Variants in SNX29 observed in about 807,000 individuals in gnomAD.
SNX29 encodes the protein sorting nexin-29.
In SNX29, 78 loss-of-function variants were observed where a neutral mutation model predicts 102.1. The ratio of observed to expected loss-of-function variants is 0.76; its 90% CI spans 0.64 to 0.92. The LOEUF (loss-of-function observed/expected upper bound fraction) is 0.92. Among genes scored for constraint, SNX29 ranks in the 40% least tolerant of loss-of-function variants. The probability of loss-of-function intolerance (pLI) is 0.00; values close to 1 mark genes in which losing one functional copy is unlikely to be tolerated. For missense variants in SNX29, 1,280 were observed against 1,061.7 expected, an observed-to-expected ratio of 1.21 and a Z score of -2.86; for synonymous variants, 580 against 414.5, an observed-to-expected ratio of 1.40 and a Z score of -4.85.
intron 15 of SNX29, among the ~76,000 whole-genome samples, chr16:12,341,120 A>G (rs1022832283): frequency 6.6e-6 from 1 of 152,230 alleles, no homozygotes; most frequent in African/African-American, 2.4e-5. Flanking sequence ...TACTATTATT[A>G]TTGGAGCCCA....
intron 13 of SNX29, among the ~76,000 whole-genome samples, chr16:12,162,846 G>A (rs1158595047): frequency 6.6e-6 from 1 of 152,170 alleles, no homozygotes; most frequent in South Asian, 2.1e-4. Context: ...CTGGAGGGCC[G>A]GCAAGCACGT....
chr16:12,475,057 C>T lies in SNX29; in HGVS notation c.2038-2662C>T, dbSNP rs368865417. ...GGTCCATGTGATCCTGGCATAGCTG[C>T]GCTATTCGTAGACCTGAATTCTCTC... On this transcript the variant is annotated intron_variant, in intron 18 of 20. Transcript: ENST00000566228. Among the ~76,000 whole-genome samples, 9 of 152,300 alleles carry T rather than the reference C, an allele frequency of 5.9e-5. No individual in the cohort carries two copies. The South Asian group carries it at 6.2e-4, about 11-fold the overall frequency.
chr16:12,560,142 C>CA (rs1050843961), intron 20 of SNX29, among the ~76,000 whole-genome samples: 7 of 47,720 alleles, frequency 1.5e-4, no homozygotes, highest in South Asian at 4.9e-4. Context: ...CCCTCCCCCC[C>CA]CCAACAAACA....
At chr16:12,339,174 C>T (rs906679537) in intron 15 of SNX29, among the ~76,000 whole-genome samples, 38 of 151,998 alleles carry the variant, frequency 2.5e-4, no homozygotes, top group African/African-American at 9.2e-4. Flanking sequence ...TCAAGACCAG[C>T]CTGGCCAACA....
At chr16:12,192,736 A>G (rs1388006155) in intron 13 of SNX29, among the ~76,000 whole-genome samples, 3 of 152,046 alleles carry the variant, frequency 2.0e-5, no homozygotes, top group Non-Finnish European at 4.4e-5. Flanking sequence ...ACAAGGTCTC[A>G]CTTTCACCCA....
At chr16:12,099,886 T>C (rs2052935456) in intron 11 of SNX29, among the ~76,000 whole-genome samples, 1 of 152,150 alleles carries the variant, frequency 6.6e-6, no homozygotes, top group Admixed American at 6.5e-5. Flanking sequence ...AGTGGCACTC[T>C]CCTGTGAGCG....
At chr16:12,140,165 A>AT in intron 13 of SNX29, among the ~76,000 whole-genome samples, 2 of 152,230 alleles carry the variant, frequency 1.3e-5, no homozygotes, top group Middle Eastern at 6.8e-3. Context: ...GGTATCACGC[A>AT]TATCATGCAG....
chr16:12,295,280 T>A (rs2079942105), intron 15 of SNX29, among the ~76,000 whole-genome samples: 1 of 152,212 alleles, frequency 6.6e-6, no homozygotes, highest in Non-Finnish European at 1.5e-5. Flanking sequence ...GGTCACCGGT[T>A]CCCTTTAAGG....
chr16:12,343,610 C>T (rs972207647), intron 15 of SNX29, among the ~76,000 whole-genome samples: 6 of 152,080 alleles, frequency 3.9e-5, no homozygotes, highest in Non-Finnish European at 7.4e-5. Flanking sequence ...AGCTGCCTCC[C>T]CTTCCTGTTC....
chr16:12,175,212 A>G (rs1007665609), intron 13 of SNX29, among the ~76,000 whole-genome samples: 1 of 152,240 alleles, frequency 6.6e-6, no homozygotes, highest in Non-Finnish European at 1.5e-5. Context: ...GCCCCTGGCC[A>G]GAAGTGGGTC....
chr16:12,343,497 G>A (rs1434510654), intron 15 of SNX29, among the ~76,000 whole-genome samples: 1 of 152,210 alleles, frequency 6.6e-6, no homozygotes, highest in Non-Finnish European at 1.5e-5. Context: ...AATGGGAGCA[G>A]ATGAATGATG....
At chr16:12,392,090 G>A (rs897762435) in intron 16 of SNX29, among the ~76,000 whole-genome samples, 3 of 152,176 alleles carry the variant, frequency 2.0e-5, no homozygotes, top group Admixed American at 6.5e-5. Flanking sequence ...CTCCCAACAC[G>A]CTAATACTTC....
chr16:12,185,613 A>G (rs1196708834), intron 13 of SNX29, among the ~76,000 whole-genome samples: 2 of 151,956 alleles, frequency 1.3e-5, no homozygotes, highest in Non-Finnish European at 2.9e-5. Flanking sequence ...ACATCGTTGT[A>G]TTTTGTTGTT....
rs79838278 is a variant in SNX29 at position 12,186,197 on chromosome 16, G to A, written c.1596-13404G>A. On this transcript the variant is annotated intron_variant, in intron 13 of 20. Transcript: ENST00000566228. ...AAATCTATATATATATTTGTTGTTGGGAGCTTTTCAGTTTCTAAAGGAACT... is the reference window on the plus strand; with the variant it reads ...AAATCTATATATATATTTGTTGTTGAGAGCTTTTCAGTTTCTAAAGGAACT... Among the ~76,000 whole-genome samples the A allele has an allele frequency of 1.5e-3, 229 of 152,016 alleles. 4 individuals carry two copies. The East Asian group carries it at 0.035, about 23-fold the overall frequency.
chr16:12,527,213 G>A (rs769256421), intron 20 of SNX29: 16 of 533,808 alleles, frequency 3.0e-5, no homozygotes, highest in Middle Eastern at 2.8e-4. Context: ...TTCATTTTGG[G>A]GTAATGATGG....
At chr16:12,021,947 A>G (rs2057036953) in intron 3 of SNX29, among the ~76,000 whole-genome samples, 1 of 151,874 alleles carries the variant, frequency 6.6e-6, no homozygotes, top group South Asian at 2.1e-4. Flanking sequence ...CTGAATCTTC[A>G]CAGAAAACTA....
At chr16:12,458,095 A>G (rs2086616762) in intron 18 of SNX29, among the ~76,000 whole-genome samples, 1 of 152,232 alleles carries the variant, frequency 6.6e-6, no homozygotes, top group Non-Finnish European at 1.5e-5. Context: ...CAGCTGTGCA[A>G]AAAAGACTGT....
At position 12,289,405 on chromosome 16, in the gene SNX29, C is replaced by T. The variant is rs576043394; in HGVS notation, c.1782+11369C>T. Among the ~76,000 whole-genome samples the T allele has an allele frequency of 7.9e-5, 12 of 152,342 alleles. 1 individual carries two copies. The highest frequency in any genetic ancestry group is 2.2e-4 in the African/African-American group (9 of 41,576). On this transcript the variant is annotated intron_variant, in intron 15 of 20. Transcript: ENST00000566228. ...TTGTGCCTCTGTGCAGGCATGCTTG[C>T]GCCCCTAGCCTTCTAGTGTTTATCC...
intron 20 of SNX29, among the ~76,000 whole-genome samples, chr16:12,567,085 G>A (rs962622884): frequency 9.2e-5 from 14 of 152,350 alleles, no homozygotes; most frequent in African/African-American, 3.1e-4. Flanking sequence ...AGGGATCCTC[G>A]AGGGGAATGA....
Sources: gnomAD v4.1 joint callset for allele counts (sites outside exome capture counted in the v4.1 genomes callset) on GRCh38, gnomAD v4.1.1 for gene constraint, MANE v1.5 for transcripts, NCBI Gene and HGNC (gene_info 2026-07-23, HGNC 2026-07-21) for gene names.